The following LHFPL7 variants were observed in gnomAD, a reference collection of about 807,000 sequenced individuals.
The protein encoded by LHFPL7 is LHFPL tetraspan subfamily member 7 protein.
At chr22:24,937,419 G>C in the LHFPL7 span, among the ~76,000 whole-genome samples, 1 of 152,174 alleles carries the variant, frequency 6.6e-6, no homozygotes, top group East Asian at 1.9e-4. Flanking sequence ...GAGGGACTGG[G>C]GACTGGGTTA....
At chr22:24,935,216 A>C in the LHFPL7 span, 1 of 1,367,886 alleles carries the variant, frequency 7.3e-7, no homozygotes, top group South Asian at 1.4e-5. Flanking sequence ...CCAGAGAGGT[A>C]AAGTGGCTTG....
At chr22:24,939,405 T>C in the LHFPL7 span, 1 of 703,058 alleles carries the variant, frequency 1.4e-6, no homozygotes, top group Non-Finnish European at 2.6e-6. Context: ...ACTGTTGCCC[T>C]GAGGCCAGGA....
At chr22:24,940,187 A>G in the LHFPL7 span, among the ~76,000 whole-genome samples, 4 of 149,228 alleles carry the variant, frequency 2.7e-5, no homozygotes, top group Non-Finnish European at 4.5e-5. Context: ...CGGCCTCCCA[A>G]AGTGCTGGGA....
chr22:24,938,847 G>A, the LHFPL7 span, among the ~76,000 whole-genome samples: 17 of 152,192 alleles, frequency 1.1e-4, no homozygotes, highest in African/African-American at 3.6e-4. Flanking sequence ...GCAGTGTTTA[G>A]AGGGTGGCCA....
chr22:24,939,637 A>G, the LHFPL7 span: 1 of 682,118 alleles, frequency 1.5e-6, no homozygotes, highest in South Asian at 1.6e-5. Flanking sequence ...CTAGCCAGGG[A>G]TCTGGTGTTA....
the LHFPL7 span, among the ~76,000 whole-genome samples, chr22:24,940,767 T>C: frequency 3.7e-5 from 5 of 135,696 alleles, no homozygotes; most frequent in Non-Finnish European, 6.4e-5. Context: ...CCCTCCCTCC[T>C]TCCTTCCTTC....
At chr22:24,946,092 G>T in the LHFPL7 span, among the ~76,000 whole-genome samples, 1 of 152,100 alleles carries the variant, frequency 6.6e-6, no homozygotes, top group Admixed American at 6.5e-5. Context: ...GGAGGATCAC[G>T]TGAGGTCAGG....
chr22:24,938,989 C>A, the LHFPL7 span, among the ~76,000 whole-genome samples: 1 of 152,208 alleles, frequency 6.6e-6, no homozygotes, highest in African/African-American at 2.4e-5. Flanking sequence ...GCACCTTTTC[C>A]TAATTTGCAC....
At chr22:24,935,910 C>T in the LHFPL7 span, among the ~76,000 whole-genome samples, 8 of 152,122 alleles carry the variant, frequency 5.3e-5, no homozygotes, top group African/African-American at 1.9e-4. Context: ...GCCACCCATC[C>T]ATCTGCTCAC....
At chr22:24,936,815 C>G in the LHFPL7 span, among the ~76,000 whole-genome samples, 1 of 152,200 alleles carries the variant, frequency 6.6e-6, no homozygotes, top group Admixed American at 6.5e-5. Flanking sequence ...CTGGGCCCAT[C>G]CATGCACTGG....
chr22:24,939,257 C>A, the LHFPL7 span: 1 of 696,886 alleles, frequency 1.4e-6, no homozygotes, highest in Non-Finnish European at 2.6e-6. Flanking sequence ...TCCTCGAATT[C>A]CGCTCAGCCA....
chr22:24,940,468 C>T, the LHFPL7 span, among the ~76,000 whole-genome samples: 5 of 150,896 alleles, frequency 3.3e-5, no homozygotes, highest in Admixed American at 1.3e-4. Flanking sequence ...TGGGAGCGGG[C>T]GCCTGTAGTC....
At chr22:24,941,232 C>T in the LHFPL7 span, among the ~76,000 whole-genome samples, 1 of 151,718 alleles carries the variant, frequency 6.6e-6, no homozygotes, top group African/African-American at 2.4e-5. Context: ...GCAGTGGTGC[C>T]ATGTCGGCTC....
the LHFPL7 span, among the ~76,000 whole-genome samples, chr22:24,945,394 C>G: frequency 6.6e-6 from 1 of 151,930 alleles, no homozygotes; most frequent in Non-Finnish European, 1.5e-5. Context: ...TGTGGATGGA[C>G]GTGGAGGTGG....
chr22:24,937,843 A>C, the LHFPL7 span, among the ~76,000 whole-genome samples: 6 of 152,190 alleles, frequency 3.9e-5, no homozygotes, highest in Non-Finnish European at 7.3e-5. Context: ...AACATCCCCA[A>C]CTGTGTATGG....
chr22:24,937,803 T>G, the LHFPL7 span, among the ~76,000 whole-genome samples: 43 of 152,354 alleles, frequency 2.8e-4, no homozygotes, highest in African/African-American at 1.0e-3. Flanking sequence ...ATCTTCTCAG[T>G]TCTCAGCTGG....
the LHFPL7 span, among the ~76,000 whole-genome samples, chr22:24,940,574 CGA>C: frequency 1.3e-5 from 2 of 149,328 alleles, no homozygotes; most frequent in Non-Finnish European, 3.0e-5. Context: ...CCAGCCTGGG[CGA>C]CAGAGCGAGA....
chr22:24,939,510 A>G, the LHFPL7 span: 17 of 702,938 alleles, frequency 2.4e-5, no homozygotes, highest in Non-Finnish European at 4.2e-5. Context: ...AGAGAGCCCC[A>G]GAGCTACCCA....
At chr22:24,936,365 C>T in the LHFPL7 span, among the ~76,000 whole-genome samples, 1 of 152,126 alleles carries the variant, frequency 6.6e-6, no homozygotes, top group Non-Finnish European at 1.5e-5. Flanking sequence ...CATCCATCCA[C>T]CAGTCCATCC....
Sources: allele counts gnomAD v4.1 joint callset (sites outside exome capture counted in the v4.1 genomes callset), GRCh38; gene constraint gnomAD v4.1.1; transcripts MANE v1.5; gene names NCBI Gene and HGNC (gene_info 2026-07-23, HGNC 2026-07-21).